The following POU6F2 variants were observed in gnomAD, a reference collection of about 807,000 sequenced individuals.
POU6F2 encodes the protein POU domain, class 6, transcription factor 2.
A neutral mutation model predicts 71.3 loss-of-function variants in POU6F2; 31 were observed. That is an observed-to-expected ratio of 0.43 (90% CI 0.33 to 0.59). The LOEUF (loss-of-function observed/expected upper bound fraction) is 0.59. POU6F2 is among the 20% of genes least tolerant of loss of function. The pLI is 0.04. For missense variants in POU6F2, 783 were observed against 856.8 expected, an observed-to-expected ratio of 0.91 and a Z score of 1.07; for synonymous variants, 347 against 355.7, an observed-to-expected ratio of 0.98 and a Z score of 0.27.
chr7:39,202,399 C>G (rs778470852), intron 2 of POU6F2, among the ~76,000 whole-genome samples: 1 of 152,190 alleles, frequency 6.6e-6, no homozygotes, highest in Non-Finnish European at 1.5e-5. Context: ...TGTAAAAACA[C>G]TCTTTTCATA....
chr7:39,304,088 TA>T (rs1160029470), intron 4 of POU6F2, among the ~76,000 whole-genome samples: 7 of 151,992 alleles, frequency 4.6e-5, no homozygotes, highest in African/African-American at 1.7e-4. Context: ...AACAAATCCA[TA>T]AAGGAAAATT....
intron 1 of POU6F2, among the ~76,000 whole-genome samples, chr7:39,031,302 T>C (rs933605747): frequency 1.3e-5 from 2 of 152,198 alleles, no homozygotes; most frequent in African/African-American, 4.8e-5. Context: ...ACTGTTATAT[T>C]GATTTTAGGA....
chr7:39,330,617 CAAAG>C (rs1322309264), intron 4 of POU6F2, among the ~76,000 whole-genome samples: 2 of 152,208 alleles, frequency 1.3e-5, no homozygotes, highest in African/African-American at 4.8e-5. Context: ...TAGTGCCACT[CAAAG>C]AAAACACCCA....
intron 1 of POU6F2, among the ~76,000 whole-genome samples, chr7:39,029,824 T>C (rs559440694): frequency 1.3e-5 from 2 of 152,318 alleles, no homozygotes; most frequent in South Asian, 4.1e-4. Context: ...TTAAATTTAA[T>C]ATATTAAATG....
chr7:39,150,536 G>A (rs1792735794), intron 2 of POU6F2, among the ~76,000 whole-genome samples: 2 of 136,070 alleles, frequency 1.5e-5, no homozygotes, highest in East Asian at 2.2e-4. Flanking sequence ...GTGTGATCTC[G>A]GCTCACTACA....
At chr7:39,090,797 A>G (rs963266684) in intron 2 of POU6F2, among the ~76,000 whole-genome samples, 1 of 152,324 alleles carries the variant, frequency 6.6e-6, no homozygotes, top group East Asian at 1.9e-4. Flanking sequence ...CAACTAAATA[A>G]TTTGGTAATA....
At chr7:39,391,601 A>G (rs1235832776) in intron 5 of POU6F2, among the ~76,000 whole-genome samples, 1 of 152,182 alleles carries the variant, frequency 6.6e-6, no homozygotes, top group Non-Finnish European at 1.5e-5. Flanking sequence ...CAAGTTTCAT[A>G]CCAAAGTTAT....
At chr7:39,140,429 A>G (rs1256412370) in intron 2 of POU6F2, among the ~76,000 whole-genome samples, 1 of 152,198 alleles carries the variant, frequency 6.6e-6, no homozygotes, top group East Asian at 1.9e-4. Context: ...ATTCTTTCAC[A>G]GTTTAGAGGT....
chr7:39,159,378 G>C (rs1025445221), intron 2 of POU6F2, among the ~76,000 whole-genome samples: 7 of 152,024 alleles, frequency 4.6e-5, no homozygotes, highest in Admixed American at 1.3e-4. Flanking sequence ...TCCAAGAAGA[G>C]GTATTAGACA....
intron 5 of POU6F2, among the ~76,000 whole-genome samples, chr7:39,382,513 G>A (rs1048007629): frequency 6.6e-6 from 1 of 152,216 alleles, no homozygotes; most frequent in African/African-American, 2.4e-5. Flanking sequence ...AGGGAAAAGA[G>A]ACAGAGTGCT....
intron 5 of POU6F2, among the ~76,000 whole-genome samples, chr7:39,391,967 G>T (rs952654774): frequency 3.3e-5 from 5 of 152,184 alleles, no homozygotes; most frequent in African/African-American, 1.2e-4. Flanking sequence ...GTTGCTGCCT[G>T]TGGGCTGCTG....
At chr7:39,409,637 C>G (rs1363106623) in intron 6 of POU6F2, among the ~76,000 whole-genome samples, 1 of 152,334 alleles carries the variant, frequency 6.6e-6, no homozygotes, top group African/African-American at 2.4e-5. Context: ...GCCAGTGGTG[C>G]ACTTTTGCAG....
At chr7:39,030,977 C>T (rs570365052) in intron 1 of POU6F2, among the ~76,000 whole-genome samples, 73 of 151,924 alleles carry the variant, frequency 4.8e-4, no homozygotes, top group East Asian at 2.1e-3. Flanking sequence ...CTCGGCTCAC[C>T]GCAACCTCCT....
intron 4 of POU6F2, among the ~76,000 whole-genome samples, chr7:39,298,482 G>T (rs939568015): frequency 6.6e-6 from 1 of 152,068 alleles, no homozygotes; most frequent in Admixed American, 6.6e-5. Context: ...AGTCAGAATG[G>T]CAATAAAAAA....
intron 5 of POU6F2, among the ~76,000 whole-genome samples, chr7:39,360,246 G>C (rs1786350066): frequency 6.6e-6 from 1 of 152,114 alleles, no homozygotes; most frequent in African/African-American, 2.4e-5. Context: ...GAGATATACT[G>C]CCCACAATGC....
chr7:39,136,765 G>A (rs1378545919), intron 2 of POU6F2, among the ~76,000 whole-genome samples: 9 of 151,802 alleles, frequency 5.9e-5, no homozygotes, highest in African/African-American at 2.2e-4. Context: ...AGGCTGAGAC[G>A]GGAGGATCAC....
chr7:39,264,226 A>G (rs1784199372), intron 4 of POU6F2, among the ~76,000 whole-genome samples: 1 of 152,334 alleles, frequency 6.6e-6, no homozygotes, highest in South Asian at 2.1e-4. Flanking sequence ...TTTAGTGTCC[A>G]TAAAGCTCTT....
chr7:39,370,196 C>G (rs1786580936), intron 5 of POU6F2, among the ~76,000 whole-genome samples: 1 of 152,168 alleles, frequency 6.6e-6, no homozygotes, highest in Non-Finnish European at 1.5e-5. Context: ...ACAGATTTGA[C>G]AGATTGATGA....
intron 1 of POU6F2, among the ~76,000 whole-genome samples, chr7:38,991,588 T>G (rs1788604585): frequency 6.6e-6 from 1 of 152,172 alleles, no homozygotes; most frequent in Admixed American, 6.6e-5. Flanking sequence ...AATACAGAAT[T>G]GCTCCTCGCA....
Sources: gnomAD v4.1 joint callset for allele counts (sites outside exome capture counted in the v4.1 genomes callset) on GRCh38, gnomAD v4.1.1 for gene constraint, MANE v1.5 for transcripts, NCBI Gene and HGNC (gene_info 2026-07-23, HGNC 2026-07-21) for gene names.